Variants in HDAC9 observed in about 807,000 individuals in gnomAD.
HDAC9 encodes histone deacetylase 9, also known as MEF-2 interacting transcription repressor (MITR) protein.
In HDAC9, 41 loss-of-function variants were observed where a neutral mutation model predicts 139.4. That is an observed-to-expected ratio of 0.29 (90% CI 0.23 to 0.38). The LOEUF (loss-of-function observed/expected upper bound fraction) is 0.38. Among genes scored for constraint, HDAC9 ranks in the 10% least tolerant of loss-of-function variants. The pLI, the probability that HDAC9 is intolerant of heterozygous loss-of-function variation, is 1.00. For synonymous variants in HDAC9, 517 were observed against 476.2 expected (o/e 1.09, Z -1.12); for missense variants, 1,147 against 1,297.0 (o/e 0.88, Z 1.78).
chr7:18,960,854 T>G (rs1454747243), intron 24 of HDAC9, among the ~76,000 whole-genome samples: 1 of 152,020 alleles, frequency 6.6e-6, no homozygotes, highest in African/African-American at 2.4e-5. Context: ...CCAAATTGTT[T>G]CTAAGCTGAA....
chr7:18,477,792 A>G (rs532245724), intron 1 of HDAC9, among the ~76,000 whole-genome samples: 5 of 152,246 alleles, frequency 3.3e-5, no homozygotes, highest in Non-Finnish European at 7.4e-5. Context: ...ATAATTATAT[A>G]TATTCCTTTA....
At chr7:18,634,276 AT>A (rs1399215331) in intron 7 of HDAC9, among the ~76,000 whole-genome samples, 1 of 151,244 alleles carries the variant, frequency 6.6e-6, no homozygotes, top group Admixed American at 6.6e-5. Flanking sequence ...CATTGTCTTC[AT>A]TACTGTTATT....
At chr7:18,242,376 A>G (rs1399331194) in intron 2 of HDAC9, among the ~76,000 whole-genome samples, 1 of 152,200 alleles carries the variant, frequency 6.6e-6, no homozygotes, top group African/African-American at 2.4e-5. Flanking sequence ...ACTGGAAGAA[A>G]CAGAAGTCCG....
intron 1 of HDAC9, among the ~76,000 whole-genome samples, chr7:18,488,047 A>G (rs886650413): frequency 9.2e-5 from 14 of 152,082 alleles, no homozygotes; most frequent in African/African-American, 3.1e-4. Flanking sequence ...TGTGGAATAA[A>G]ATAAACTTTT....
At chr7:18,847,220 A>G (rs1285262009) in intron 21 of HDAC9, among the ~76,000 whole-genome samples, 2 of 152,196 alleles carry the variant, frequency 1.3e-5, no homozygotes, top group African/African-American at 4.8e-5. Context: ...ACTTTGAGGT[A>G]GTCAGATCAT....
At chr7:18,977,705 G>GT (rs1195290337) in intron 25 of HDAC9, among the ~76,000 whole-genome samples, 1 of 152,150 alleles carries the variant, frequency 6.6e-6, no homozygotes, top group Non-Finnish European at 1.5e-5. Context: ...GTCAAAGAGT[G>GT]TAGCCTGGTT....
intron 1 of HDAC9, among the ~76,000 whole-genome samples, chr7:18,302,500 A>C (rs1183830530): frequency 6.6e-6 from 1 of 152,212 alleles, no homozygotes; most frequent in Non-Finnish European, 1.5e-5. Context: ...TAGCTACCTC[A>C]GTGATATTTG....
intron 19 of HDAC9, among the ~76,000 whole-genome samples, chr7:18,831,982 G>C (rs956438319): frequency 6.6e-6 from 1 of 152,080 alleles, no homozygotes; most frequent in Admixed American, 6.6e-5. Flanking sequence ...TACTACTTTG[G>C]GTCACAGCCA....
At chr7:18,728,189 C>T (rs1288551238) in intron 13 of HDAC9, among the ~76,000 whole-genome samples, 1 of 152,046 alleles carries the variant, frequency 6.6e-6, no homozygotes, top group African/African-American at 2.4e-5. Context: ...TCTTCTGGTT[C>T]CCCATGCAAA....
At chr7:18,575,858 C>T (rs1825804492) in intron 2 of HDAC9, among the ~76,000 whole-genome samples, 1 of 152,150 alleles carries the variant, frequency 6.6e-6, no homozygotes, top group Non-Finnish European at 1.5e-5. Flanking sequence ...TTCATTCACA[C>T]CACACATGCA....
At chr7:18,236,938 C>T (rs1048023867) in intron 2 of HDAC9, among the ~76,000 whole-genome samples, 4 of 152,222 alleles carry the variant, frequency 2.6e-5, no homozygotes, top group African/African-American at 7.2e-5. Flanking sequence ...GTGCTACCGA[C>T]TCATCCCAGT....
intron 24 of HDAC9, among the ~76,000 whole-genome samples, chr7:18,973,849 T>A (rs899252758): frequency 2.0e-5 from 3 of 152,192 alleles, no homozygotes; most frequent in African/African-American, 7.2e-5. Context: ...GTGAAATTGG[T>A]CTTCCTGCCC....
At chr7:18,394,085 C>G (rs1786797389) in intron 1 of HDAC9, among the ~76,000 whole-genome samples, 1 of 152,120 alleles carries the variant, frequency 6.6e-6, no homozygotes. Flanking sequence ...AGTCTACCTC[C>G]CTATTAAAAG....
intron 25 of HDAC9, among the ~76,000 whole-genome samples, chr7:18,981,524 G>C (rs913977084): frequency 6.6e-6 from 1 of 152,158 alleles, no homozygotes; most frequent in African/African-American, 2.4e-5. Flanking sequence ...CATTTGTGGA[G>C]GCTCTGGGGA....
chr7:18,406,236 A>G (rs2128739632), intron 1 of HDAC9, among the ~76,000 whole-genome samples: 1 of 152,268 alleles, frequency 6.6e-6, no homozygotes, highest in East Asian at 1.9e-4. Context: ...AACACAAAAC[A>G]TTGTCCTACT....
At chr7:18,141,610 C>A (rs1051267038) in intron 1 of HDAC9, among the ~76,000 whole-genome samples, 1 of 152,226 alleles carries the variant, frequency 6.6e-6, no homozygotes, top group South Asian at 2.1e-4. Flanking sequence ...TGCTGGGGCA[C>A]TTGGAGTCCA....
At position 18,428,693 on chromosome 7, in the gene HDAC9, C is replaced by T. The variant is rs915434197; in HGVS notation, c.-41-67569C>T. 6.6e-5 allele frequency among the ~76,000 whole-genome samples: 10 copies of T among 152,158 alleles called. 1 individual carries two copies. The highest frequency in any genetic ancestry group is 3.3e-4 in the Admixed American group (5 of 15,280). On this transcript the variant is annotated intron_variant, in intron 1 of 3. Transcript: ENST00000413509. ...TCCTAAACCCAGCAGCCCCAGTGAG[C>T]TTTTAGAAGTCATACCATGTCTCTT...
intron 22 of HDAC9, among the ~76,000 whole-genome samples, chr7:18,890,986 A>G (rs111290422): frequency 6.6e-6 from 1 of 152,198 alleles, no homozygotes; most frequent in South Asian, 2.1e-4. Flanking sequence ...TATTTTGGCG[A>G]GTCTGTCTGA....
At chr7:18,407,008 T>C (rs1427709954) in intron 1 of HDAC9, among the ~76,000 whole-genome samples, 1 of 152,184 alleles carries the variant, frequency 6.6e-6, no homozygotes, top group Non-Finnish European at 1.5e-5. Flanking sequence ...ATAAACAATA[T>C]GTCTATAAGC....
Sources: allele counts gnomAD v4.1 joint callset (sites outside exome capture counted in the v4.1 genomes callset), GRCh38; gene constraint gnomAD v4.1.1; transcripts MANE v1.5; gene names NCBI Gene and HGNC (gene_info 2026-07-23, HGNC 2026-07-21).